Variants in EPN2 observed in about 807,000 individuals in gnomAD.
The protein encoded by EPN2 is epsin 2.
EPN2 carries 34 observed loss-of-function variants against 61.7 expected under a neutral mutation model. The ratio of observed to expected loss-of-function variants is 0.55; its 90% CI spans 0.42 to 0.73. The LOEUF is 0.73. EPN2 is among the 30% of genes least tolerant of loss of function. The pLI, the probability that EPN2 is intolerant of heterozygous loss-of-function variation, is 0.00. For missense variants in EPN2, 714 were observed against 839.2 expected (o/e 0.85, Z 1.84); for synonymous variants, 349 against 353.6 (o/e 0.99, Z 0.15).
At chr17:19,318,039 T>C (rs1333539471) in intron 7 of EPN2, among the ~76,000 whole-genome samples, 3 of 152,194 alleles carry the variant, frequency 2.0e-5, no homozygotes, top group African/African-American at 7.2e-5. Context: ...ATTTGTATAG[T>C]CTGAATTCAG....
intron 1 of EPN2, among the ~76,000 whole-genome samples, chr17:19,238,789 T>G (rs2044847522): frequency 6.6e-6 from 1 of 152,202 alleles, no homozygotes; most frequent in Non-Finnish European, 1.5e-5. Flanking sequence ...ATATGAGAAG[T>G]AATGAGTTAT....
intron 4 of EPN2, among the ~76,000 whole-genome samples, chr17:19,293,210 T>C (rs2045481718): frequency 6.6e-6 from 1 of 151,894 alleles, no homozygotes; most frequent in Non-Finnish European, 1.5e-5. Flanking sequence ...GAAACCCATC[T>C]CTACTAAAAA....
Position 19,329,611 on chromosome 17 carries a change from T to A in EPN2, c.1375T>A (p.Ser459Thr), listed in dbSNP as rs1471631937. 1.2e-6 allele frequency: 2 copies of A among 1,613,542 alleles called. No individual in the cohort carries two copies. The highest frequency in any genetic ancestry group is 1.7e-6 in the Non-Finnish European group (2 of 1,179,472). ...GAATGGTACAATTAAAGATGACTTT[T>A]CTGAATTTGACAACCTTCGGACTTC... The part of the protein sequence containing the change: ...NLNGTIKDDF[S>T]EFDNLRTSKK... The change falls in exon 9 of 11, where the codon TCT becomes ACT. Residue 459 changes from serine to threonine, a missense_variant. Ser to Thr is a moderately conservative substitution (Grantham distance 58). Transcript: ENST00000314728.
rs1009498692 is a variant in EPN2, at chr17:19,334,149, C to T, written c.1821C>T (p.Ser607=). 3 of 1,604,682 alleles carry T rather than the reference C, an allele frequency of 1.9e-6. No homozygotes were observed. Among genetic ancestry groups the T allele is most frequent in the African/African-American group, 1.3e-5 (1 of 74,792 alleles). ...APQPALGATG[S]SLTPLGPAMM... is the part of the protein sequence containing the mutation. The stretch of plus-strand genomic sequence containing the variant: ...AGCCAGCTCTGGGGGCCACTGGTTC[C>T]TCTCTGACACCACTGGGCCCTGCAA... Residue 607 remains serine, a synonymous_variant, in exon 11 of 11, where the codon TCC becomes TCT. Transcript: ENST00000314728. The surrounding 1 kb of genome is among the most constrained non-coding windows in gnomAD (Gnocchi z 4.9).
chr17:19,266,527 G>A (rs111839754), intron 1 of EPN2, among the ~76,000 whole-genome samples: 1 of 151,606 alleles, frequency 6.6e-6, no homozygotes, highest in African/African-American at 2.4e-5. Context: ...CTCAGCCTCC[G>A]GAGTAGCTGA....
chr17:19,333,742 C>T (rs1206681592), intron 10 of EPN2, among the ~76,000 whole-genome samples: 1 of 152,208 alleles, frequency 6.6e-6, no homozygotes, highest in Non-Finnish European at 1.5e-5. Context: ...GGACAAATCA[C>T]TTGGCTTCTC....
chr17:19,320,328 G>A (rs1906584108), intron 7 of EPN2, among the ~76,000 whole-genome samples: 1 of 152,198 alleles, frequency 6.6e-6, no homozygotes. Flanking sequence ...CAGGCCTGGG[G>A]ACTGCTGACC....
intron 8 of EPN2, 109 bp from the exon 9 acceptor site, chr17:19,329,452 C>A: frequency 1.5e-6 from 1 of 659,080 alleles, no homozygotes; most frequent in Non-Finnish European, 2.7e-6. Flanking sequence ...GTAGGGTAAG[C>A]GGGGAGAGGC....
chr17:19,241,629 C>T (rs1299652259), intron 1 of EPN2, among the ~76,000 whole-genome samples: 2 of 150,252 alleles, frequency 1.3e-5, no homozygotes, highest in African/African-American at 2.4e-5. Context: ...CTGATAAGTT[C>T]GTCAATGGAA....
intron 1 of EPN2, among the ~76,000 whole-genome samples, chr17:19,275,154 A>C (rs568404915): frequency 4.6e-5 from 7 of 152,042 alleles, no homozygotes; most frequent in African/African-American, 9.7e-5. Flanking sequence ...TTGTGGGTCA[A>C]CTGTGGCTGG....
At chr17:19,311,097 T>G (rs1280024783) in intron 5 of EPN2, among the ~76,000 whole-genome samples, 1 of 152,086 alleles carries the variant, frequency 6.6e-6, no homozygotes, top group Non-Finnish European at 1.5e-5. Context: ...ATAGTTAGAT[T>G]TGAGTACTGA....
intron 5 of EPN2, 69 bp downstream of exon 5, chr17:19,310,066 A>T: frequency 9.0e-7 from 1 of 1,110,516 alleles, no homozygotes; most frequent in Non-Finnish European, 1.4e-6. Context: ...GCTCACTGGG[A>T]AGAAGATGGC....
Position 19,328,740 on chromosome 17 carries a change from T to TG in EPN2, c.1183dup (p.Val395GlyfsTer33). 1 of 1,612,358 alleles carries TG rather than the reference T, an allele frequency of 6.2e-7. No homozygotes were observed. The highest frequency in any genetic ancestry group is 8.5e-7 in the Non-Finnish European group (1 of 1,178,966). ...CAAGCCAGCTGCCTCCATTGACCCA[T>TG]GGGGGGTGCCCACTGGAGCCACCGT... On this transcript the variant is annotated frameshift_variant, in exon 8 of 11. Coordinates refer to ENST00000314728, the MANE Select transcript of EPN2 (RefSeq NM_014964.5). LOFTEE classifies it high-confidence loss of function.
At chr17:19,324,726 T>C (rs1212629141) in intron 7 of EPN2, among the ~76,000 whole-genome samples, 1 of 152,176 alleles carries the variant, frequency 6.6e-6, no homozygotes, top group African/African-American at 2.4e-5. Context: ...AAAAAAGATA[T>C]AATGAAGTTA....
intron 1 of EPN2, among the ~76,000 whole-genome samples, chr17:19,249,990 T>C (rs372235151): frequency 6.6e-6 from 1 of 152,188 alleles, no homozygotes; most frequent in African/African-American, 2.4e-5. Context: ...TCTCTGACCC[T>C]GACTCTTCTG....
intron 1 of EPN2, among the ~76,000 whole-genome samples, chr17:19,253,339 A>G (rs2045035228): frequency 6.6e-6 from 1 of 150,992 alleles, no homozygotes; most frequent in Non-Finnish European, 1.5e-5. Context: ...CATTGTATGG[A>G]TATACCACAA....
intron 1 of EPN2, among the ~76,000 whole-genome samples, chr17:19,281,085 C>T (rs1386491758): frequency 6.6e-6 from 1 of 152,186 alleles, no homozygotes; most frequent in African/African-American, 2.4e-5. Context: ...TCAGTGCCAC[C>T]GTTCAGGAAC....
At chr17:19,245,820 G>A (rs1361806223) in intron 1 of EPN2, among the ~76,000 whole-genome samples, 1 of 151,828 alleles carries the variant, frequency 6.6e-6, no homozygotes, top group Non-Finnish European at 1.5e-5. Context: ...GTACCACCAC[G>A]CCTGGGTAAT....
intron 1 of EPN2, among the ~76,000 whole-genome samples, chr17:19,259,996 C>A (rs2045123647): frequency 6.6e-6 from 1 of 152,228 alleles, no homozygotes; most frequent in Non-Finnish European, 1.5e-5. Flanking sequence ...AGTCTGCTGT[C>A]CTGTGCCCTT....
Sources: allele counts gnomAD v4.1 joint callset (sites outside exome capture counted in the v4.1 genomes callset), GRCh38; gene constraint gnomAD v4.1.1; non-coding constraint Gnocchi (gnomAD v3.1); transcripts MANE v1.5; gene names NCBI Gene and HGNC (gene_info 2026-07-23, HGNC 2026-07-21).